The following COL6A3 variants were observed in gnomAD, a reference collection of about 807,000 sequenced individuals.
COL6A3 encodes the protein collagen alpha-3(VI) chain.
A neutral mutation model predicts 274.1 loss-of-function variants in COL6A3; 137 were observed. The ratio of observed to expected loss-of-function variants is 0.50; its 90% CI spans 0.44 to 0.58. The LOEUF is 0.58. COL6A3 is among the 20% of genes least tolerant of loss of function. The pLI is 0.00. For missense variants in COL6A3, 3,950 were observed against 4,124.9 expected, an observed-to-expected ratio of 0.96 and a Z score of 1.16; for synonymous variants, 1,650 against 1,650.6, an observed-to-expected ratio of 1.00 and a Z score of 0.01.
At chr2:237,337,386 G>A (rs1268552688) in intron 39 of COL6A3, among the ~76,000 whole-genome samples, 2 of 152,190 alleles carry the variant, frequency 1.3e-5, no homozygotes, top group African/African-American at 4.8e-5. Context: ...GAAGCATCCA[G>A]TGCCACGATA....
chr2:237,358,632 T>C lies in COL6A3; in HGVS notation c.6409-49A>G, dbSNP rs768619242. ...GCTAAAAACTAGATGTTTCCATTTT[T>C]ATCTCACCCTAAAAATCACATTCTT... On this transcript the variant is annotated intron_variant, in intron 20 of 43. Coordinates refer to ENST00000295550, the MANE Select transcript of COL6A3 (RefSeq NM_004369.4). The C allele has an allele frequency of 3.4e-6, 5 of 1,462,134 alleles. No homozygotes were observed. In the African/African-American group the frequency reaches 5.6e-5, roughly 16 times the overall value. 90.6% of individuals were successfully genotyped at this position (1,462,134 alleles called of 1,614,324 possible).
At chr2:237,360,050 C>A (rs1384579260) in intron 17 of COL6A3, 38 bp downstream of exon 17, 24 of 1,607,640 alleles carry the variant, frequency 1.5e-5, no homozygotes, top group Admixed American at 5.0e-5. Flanking sequence ...GTCACCTGAC[C>A]CCTCCCCACG....
rs2077285178 is a variant in COL6A3 at position 237,354,941 on chromosome 2, A to G, written c.6592-7T>C. On this transcript the variant is annotated splice_polypyrimidine_tract_variant and splice_region_variant and intron_variant, in intron 23 of 43. Coordinates refer to ENST00000295550, the MANE Select transcript of COL6A3 (RefSeq NM_004369.4). ...CCCTTCGGCCAAAGCCACCCTGTGG[A>G]AGAAAAAGTCCCACAAACTGTGAGG... The G allele has an allele frequency of 1.2e-6, 2 of 1,613,668 alleles. No homozygotes were observed. The highest frequency in any genetic ancestry group is 1.7e-6 in the Non-Finnish European group (2 of 1,179,826).
At chr2:237,325,254 G>A (rs988785257) in intron 43 of COL6A3, among the ~76,000 whole-genome samples, 12 of 152,240 alleles carry the variant, frequency 7.9e-5, no homozygotes, top group African/African-American at 1.7e-4. Flanking sequence ...TATCTTTGGC[G>A]TTATCTGTAG....
At chr2:237,342,323 G>A (rs1360300963) in intron 36 of COL6A3, 162 bp from the exon 37 acceptor site, 2 of 662,410 alleles carry the variant, frequency 3.0e-6, no homozygotes, top group Non-Finnish European at 5.4e-6. Context: ...GTTAGGCTCT[G>A]AGTATAATAG....
intron 27 of COL6A3, among the ~76,000 whole-genome samples, chr2:237,350,430 C>T (rs1366454279): frequency 6.6e-6 from 1 of 152,044 alleles, no homozygotes; most frequent in East Asian, 1.9e-4. Context: ...GCATGGGGGA[C>T]GGGCTGATGA....
Position 237,371,535 on chromosome 2 carries a change from T to G in COL6A3, c.4285+197A>C. The stretch of plus-strand genomic sequence containing the variant: ...TTGGCTGGATCCCAGAAGGCAGAGG[T>G]TAAAATGAGTTATGATCATGCCACT... On this transcript the variant is annotated intron_variant, in intron 9 of 43. Coordinates refer to ENST00000295550, the MANE Select transcript of COL6A3 (RefSeq NM_004369.4). The surrounding 1 kb of genome is among the most constrained non-coding windows in gnomAD (Gnocchi z 4.3). 3 of 1,225,120 alleles carry G rather than the reference T, an allele frequency of 2.4e-6. No individual in the cohort carries two copies. Among genetic ancestry groups the G allele is most frequent in the African/African-American group, 1.5e-5 (1 of 65,350 alleles). 75.9% of individuals were successfully genotyped at this position (1,225,120 alleles called of 1,614,324 possible).
chr2:237,367,242 T>C lies in COL6A3; in HGVS notation c.4945A>G (p.Asn1649Asp), dbSNP rs2077576755. Residue 1649 changes from asparagine to aspartate, a missense_variant, in exon 11 of 44, where the codon AAC (asparagine) becomes GAC (aspartate). Around this residue, in one of 5 missense-constraint regions of COL6A3, gnomAD observed 632 missense variants for 623.4 expected, o/e 1.01. Coordinates refer to ENST00000295550, the MANE Select transcript of COL6A3 (RefSeq NM_004369.4). ...TCCTGGAAACTGTCCCTCCTGAAGTTGATGGAACCATCCAACAGGAACACA... is the reference window on the plus strand; with the variant it reads ...TCCTGGAAACTGTCCCTCCTGAAGTCGATGGAACCATCCAACAGGAACACA... ...DIVFLLDGSINFRRDSFQEVL... is the reference protein window; with the variant it reads ...DIVFLLDGSIDFRRDSFQEVL... 5 of 1,613,976 alleles carry C rather than the reference T, an allele frequency of 3.1e-6. No individual in the cohort carries two copies. The East Asian group carries it at 1.1e-4, about 36-fold the overall frequency.
chr2:237,386,484 T>C (rs1291655805), intron 4 of COL6A3: 1 of 152,196 alleles, frequency 6.6e-6, no homozygotes, highest in Non-Finnish European at 1.5e-5. Flanking sequence ...TTTATAAAGT[T>C]AGCAAATAAG....
Position 237,324,713 on chromosome 2 carries a change from A to G in COL6A3, c.*61T>C. 1 of 1,532,500 alleles carries G rather than the reference A, an allele frequency of 6.5e-7. No homozygotes were observed. The highest frequency in any genetic ancestry group is 9.0e-7 in the Non-Finnish European group (1 of 1,106,408). The allele number at this position is 1,532,500 out of a possible 1,614,324, so 94.9% of individuals were successfully genotyped here. ...ATCTACACCCGGAGCTTCTACAGAGACAAGTTGGCGATGGCTGACTCCTTC... is the reference window on the plus strand; with the variant it reads ...ATCTACACCCGGAGCTTCTACAGAGGCAAGTTGGCGATGGCTGACTCCTTC... On this transcript the variant is annotated 3_prime_UTR_variant, in exon 44 of 44. Coordinates refer to ENST00000295550, the MANE Select transcript of COL6A3 (RefSeq NM_004369.4).
chr2:237,336,853 T>C (rs373847979), intron 39 of COL6A3, among the ~76,000 whole-genome samples: 5 of 152,326 alleles, frequency 3.3e-5, no homozygotes, highest in Middle Eastern at 3.4e-3. Context: ...AATGTTCTCA[T>C]TATAGCAATT....
intron 3 of COL6A3, among the ~76,000 whole-genome samples, chr2:237,389,213 G>A (rs1489810471): frequency 6.6e-6 from 1 of 152,162 alleles, no homozygotes; most frequent in African/African-American, 2.4e-5. Context: ...CCCTGAGGGA[G>A]GAATAGGGAT....
At position 237,367,202 on chromosome 2, in the gene COL6A3, A is replaced by C. The variant is rs1333302966; in HGVS notation, c.4985T>G (p.Val1662Gly). The change falls in exon 11 of 44, where the codon GTG becomes GGG. Residue 1662 changes from valine (V) to glycine (G), a missense_variant. Val to Gly is a moderately radical substitution (Grantham distance 109). Around this residue, in one of 5 missense-constraint regions of COL6A3, gnomAD observed 632 missense variants for 623.4 expected, o/e 1.01. Transcript: ENST00000295550. ...ATAAACTGTGTCCACTATTTCAGAC[A>C]CAAAACGAAGCACTTCCTGGAAACT... ...RDSFQEVLRF[V>G]SEIVDTVYED... 1 of 1,613,918 alleles carries C rather than the reference A, an allele frequency of 6.2e-7. No individual in the cohort carries two copies. The highest frequency in any genetic ancestry group is 1.3e-5 in the African/African-American group (1 of 74,932).
chr2:237,363,284 A>G lies in COL6A3; in HGVS notation c.6032T>C (p.Leu2011Pro). The G allele has an allele frequency of 6.2e-7, 1 of 1,614,136 alleles. No homozygotes were observed. Among genetic ancestry groups the G allele is most frequent in the Non-Finnish European group, 8.5e-7 (1 of 1,180,028 alleles). ...CTCCGCTAGTTCATAATCCAAGTCC[A>G]GCAAGTTAAGCCTCAGGGGCCTGTC... ...MYDRPLRLNLLDLDYELAEQL... is the reference protein window; with the variant it reads ...MYDRPLRLNLPDLDYELAEQL... Residue 2011 changes from leucine to proline, a missense_variant, in exon 14 of 44, where the codon CTG becomes CCG. By Grantham distance (98) the Leu-to-Pro change is moderately conservative. Around this residue, in one of 5 missense-constraint regions of COL6A3, gnomAD observed 632 missense variants for 623.4 expected, o/e 1.01. Coordinates refer to ENST00000295550, the MANE Select transcript of COL6A3 (RefSeq NM_004369.4).
At chr2:237,401,083 T>A (rs2078577573) in intron 1 of COL6A3, among the ~76,000 whole-genome samples, 1 of 152,140 alleles carries the variant, frequency 6.6e-6, no homozygotes, top group African/African-American at 2.4e-5. Context: ...TATGAACCAA[T>A]GGAACAGAAT....
At chr2:237,397,684 C>T (rs2078485999) in intron 1 of COL6A3, among the ~76,000 whole-genome samples, 1 of 152,204 alleles carries the variant, frequency 6.6e-6, no homozygotes, top group Admixed American at 6.5e-5. Context: ...GTTCAAAGAA[C>T]ACAATTACAT....
intron 25 of COL6A3, 151 bp downstream of exon 25, chr2:237,353,190 G>A (rs920580004): frequency 5.2e-6 from 4 of 767,372 alleles, no homozygotes; most frequent in South Asian, 3.0e-5. Context: ...CTAGATAGAG[G>A]TGATGATTGC....
chr2:237,387,406 C>T (rs888451356), intron 4 of COL6A3, among the ~76,000 whole-genome samples, 176 bp downstream of exon 4: 14 of 152,248 alleles, frequency 9.2e-5, no homozygotes, highest in South Asian at 6.2e-4. Context: ...TTAGTTTTTC[C>T]GCACACATGA....
chr2:237,389,967 AG>A (rs1201994430), intron 3 of COL6A3, among the ~76,000 whole-genome samples: 1 of 152,184 alleles, frequency 6.6e-6, no homozygotes, highest in East Asian at 1.9e-4. Flanking sequence ...GTGTGGTGCC[AG>A]GGGGTGTGAA....
Sources: allele counts gnomAD v4.1 joint callset (sites outside exome capture counted in the v4.1 genomes callset), GRCh38; gene constraint gnomAD v4.1.1; regional missense constraint gnomAD v4.1.1; non-coding constraint Gnocchi (gnomAD v3.1); transcripts MANE v1.5; gene names NCBI Gene and HGNC (gene_info 2026-07-23, HGNC 2026-07-21).